Variants in ZNF585A observed in about 807,000 individuals in gnomAD.
ZNF585A encodes the protein zinc finger protein 585A.
A neutral mutation model predicts 14.9 loss-of-function variants in ZNF585A; 9 were observed. The observed-to-expected ratio is 0.60, with a 90% CI of 0.36 to 1.05. The LOEUF is 1.05. Among genes scored for constraint, ZNF585A ranks in the 50% least tolerant of loss-of-function variants. ZNF585A has a pLI of 0.01. For synonymous variants in ZNF585A, 276 were observed against 319.9 expected, an observed-to-expected ratio of 0.86 and a Z score of 1.46; for missense variants, 726 against 926.4, an observed-to-expected ratio of 0.78 and a Z score of 2.81.
chr19:37,155,683 G>A (rs904051981), intron 4 of ZNF585A, among the ~76,000 whole-genome samples, 182 bp downstream of exon 4: 2 of 152,072 alleles, frequency 1.3e-5, no homozygotes, highest in African/African-American at 2.4e-5. Context: ...AAATGACAAA[G>A]GTCATCCAGG....
chr19:37,165,704 C>CA, intron 2 of ZNF585A: 2 of 959,112 alleles, frequency 2.1e-6, no homozygotes, highest in Non-Finnish European at 2.5e-6. Context: ...ACACTGTAAA[C>CA]AAAATAAAAC....
In ZNF585A at chr19:37,151,797, T is replaced by C; in HGVS notation, c.2102A>G (p.Lys701Arg). The C allele has an allele frequency of 6.2e-7, 1 of 1,613,282 alleles. No homozygotes were observed. The highest frequency in any genetic ancestry group is 8.5e-7 in the Non-Finnish European group (1 of 1,179,656). The change falls in exon 5 of 5, where the codon AAA (lysine) becomes AGA (arginine). Residue 701 changes from lysine (K) to arginine (R), a missense_variant. Lys to Arg is a conservative substitution (Grantham distance 26, BLOSUM62 2). This residue lies in a region of ZNF585A where 243 missense variants were observed against 383.6 expected (regional missense o/e 0.63). Coordinates refer to ENST00000292841, the MANE Select transcript of ZNF585A (RefSeq NM_001288800.2). Reference protein sequence around the residue: ...ECSDCGKSFTKKSQLQVHQRI... With the variant: ...ECSDCGKSFTRKSQLQVHQRI... Reference sequence around the variant, plus strand: ...CTGATGCACTTGGAGCTGTGATTTTTTAGTGAAAGACTTCCCACAGTCACT... The same window carrying C: ...CTGATGCACTTGGAGCTGTGATTTTCTAGTGAAAGACTTCCCACAGTCACT...
At chr19:37,157,326 G>T (rs750220446) in intron 2 of ZNF585A, among the ~76,000 whole-genome samples, 2 of 152,146 alleles carry the variant, frequency 1.3e-5, no homozygotes, top group Non-Finnish European at 2.9e-5. Context: ...AATGACCTGC[G>T]ATATGCTTTC....
rs985271091 is a variant in ZNF585A at position 37,147,921 on chromosome 19, C to T, written c.*3668G>A. 4 of 152,174 alleles carry T rather than the reference C, an allele frequency of 2.6e-5. No homozygotes were observed. The East Asian group carries it at 7.7e-4, about 29-fold the overall frequency. 9.4% of individuals were successfully genotyped at this position (152,174 alleles called of 1,614,324 possible). ...GTACACAATTTGTTTAATCACTCAT[C>T]CACTGATGTACATTTGTGTTACTTC... On this transcript the variant is annotated 3_prime_UTR_variant, in exon 5 of 5. Coordinates refer to ENST00000292841, the MANE Select transcript of ZNF585A (RefSeq NM_001288800.2).
intron 2 of ZNF585A, among the ~76,000 whole-genome samples, chr19:37,168,524 C>A (rs1972132165): frequency 6.6e-6 from 1 of 152,238 alleles, no homozygotes; most frequent in African/African-American, 2.4e-5. Context: ...TCTCCTTACT[C>A]TGCATAAGGA....
chr19:37,152,226 G>C lies in ZNF585A; in HGVS notation c.1673C>G (p.Ala558Gly). 1 of 1,613,938 alleles carries C rather than the reference G, an allele frequency of 6.2e-7. No homozygotes were observed. Among genetic ancestry groups the C allele is most frequent in the Non-Finnish European group, 8.5e-7 (1 of 1,179,972 alleles). ...RQYECHECGK[A>G]FNQKSILIVH... ...AATGAGTATTGATTTCTGGTTGAAG[G>C]CTTTCCCACATTCGTGGCATTCATA... The change falls in exon 5 of 5, where the codon GCC becomes GGC. Residue 558 changes from alanine to glycine, a missense_variant. Physicochemically the swap from Ala to Gly is moderately conservative, Grantham distance 60. Transcript: ENST00000292841.
Position 37,153,491 on chromosome 19 carries a change from T to C in ZNF585A, c.408A>G (p.Glu136=). 1 of 1,614,184 alleles carries C rather than the reference T, an allele frequency of 6.2e-7. No homozygotes were observed. The highest frequency in any genetic ancestry group is 8.5e-7 in the Non-Finnish European group (1 of 1,180,038). The change falls in exon 5 of 5, where the codon GAA becomes GAG. Residue 136 remains glutamate (E), a synonymous_variant. Transcript: ENST00000292841. ...GCTGTGACTTCTGGGTGAATATCTT[T>C]TCAAATTTGGCGCATTCATAAGCTT... The part of the protein sequence containing the change: ...GEKAYECAKF[E]KIFTQKSQLK...
Position 37,169,849 on chromosome 19 carries a change from C to T in ZNF585A, c.62G>A (p.Ser21Asn), listed in dbSNP as rs1336165684. 11 of 1,612,670 alleles carry T rather than the reference C, an allele frequency of 6.8e-6. No individual in the cohort carries two copies. The highest frequency in any genetic ancestry group is 9.3e-6 in the Non-Finnish European group (11 of 1,180,016). ...SSALAPEDHG[S>N]SYEGSVSFRD... ...ACTCCTCCTTCTCACCTCATAGGAGCTGCCATGATCCTCTGGAGCCAGGGC... is the reference window on the plus strand; with the variant it reads ...ACTCCTCCTTCTCACCTCATAGGAGTTGCCATGATCCTCTGGAGCCAGGGC... The change falls in exon 2 of 5, where the codon AGC (serine) becomes AAC (asparagine). Residue 21 changes from serine (S) to asparagine (N), a missense_variant. Around this residue, in one of 2 missense-constraint regions of ZNF585A, gnomAD observed 483 missense variants for 542.8 expected, o/e 0.89. Transcript: ENST00000292841.
Position 37,153,265 on chromosome 19 carries a change from T to C in ZNF585A, c.634A>G (p.Lys212Glu). The C allele has an allele frequency of 6.2e-7, 1 of 1,614,192 alleles. No individual in the cohort carries two copies. Among genetic ancestry groups the C allele is most frequent in the Non-Finnish European group, 8.5e-7 (1 of 1,180,016 alleles). The change falls in exon 5 of 5, where the codon AAA becomes GAA. Residue 212 changes from lysine to glutamate, a missense_variant. Around this residue, in one of 2 missense-constraint regions of ZNF585A, gnomAD observed 483 missense variants for 542.8 expected, o/e 0.89. Transcript: ENST00000292841. ...CCACACTGGCTGCATTCATAGAGTT[T>C]CTCTCCGGTATGAATTCTCTGATGC... ...FRHQRIHTGE[K>E]LYECSQCGKG...
intron 4 of ZNF585A, among the ~76,000 whole-genome samples, chr19:37,154,794 T>TAA (rs532561001): frequency 0.11 from 11,445 of 105,432 alleles, 786 homozygotes; most frequent in African/African-American, 0.23. Flanking sequence ...CATCTCACAG[T>TAA]AAAAAAAAAA....
At position 37,164,407 on chromosome 19, in the gene ZNF585A, TA is replaced by T. The variant is rs35676021; in HGVS notation, c.72+5431del. 8.7e-5 allele frequency among the ~76,000 whole-genome samples: 13 copies of T among 148,626 alleles called. No homozygotes were observed. The South Asian group carries it at 1.7e-3, about 19-fold the overall frequency. On this transcript the variant is annotated intron_variant, in intron 2 of 4. Coordinates refer to ENST00000292841, the MANE Select transcript of ZNF585A (RefSeq NM_001288800.2). Reference sequence around the variant, plus strand: ...GACACAGCAAGACACTGTCTCAAATTAAAAAAAAAAGAACTATAGGAAAATA... The same window carrying T: ...GACACAGCAAGACACTGTCTCAAATTAAAAAAAAAGAACTATAGGAAAATA...
rs1328559207 is a variant in ZNF585A at position 37,149,927 on chromosome 19, G to A, written c.*1662C>T. Reference sequence around the variant, plus strand: ...CTTGGGGGAAGTACAGTAGCCAAGGGTGACTAAGGAACCGCATGAAGCAAT... The same window carrying A: ...CTTGGGGGAAGTACAGTAGCCAAGGATGACTAAGGAACCGCATGAAGCAAT... On this transcript the variant is annotated 3_prime_UTR_variant, in exon 5 of 5. Transcript: ENST00000292841. The A allele has an allele frequency of 6.6e-6, 1 of 152,240 alleles. No homozygotes were observed. The highest frequency in any genetic ancestry group is 1.5e-5 in the Non-Finnish European group (1 of 68,124). 9.4% of individuals were successfully genotyped at this position (152,240 alleles called of 1,614,324 possible). A position where few individuals can be genotyped will look rare whatever the true frequency, so the allele number is the denominator to read the frequency against.
rs1971844928 is a variant in ZNF585A, at chr19:37,152,285, A to G, written c.1614T>C (p.Asn538=). 3 of 1,614,026 alleles carry G rather than the reference A, an allele frequency of 1.9e-6. No individual in the cohort carries two copies. Among genetic ancestry groups the G allele is most frequent in the Non-Finnish European group, 1.7e-6 (2 of 1,180,048 alleles). ...CTCCAGTGTGAATTTTCTGATGTAT[A>G]TTGAGGTGTGACTTCTGAGTGAAGG... ...GKAFTQKSHL[N]IHQKIHTGER... is the part of the protein sequence containing the mutation. The change falls in exon 5 of 5, where the codon AAT becomes AAC. Residue 538 remains asparagine, a synonymous_variant. Transcript: ENST00000292841.
chr19:37,169,963 C>T lies in ZNF585A; in HGVS notation c.-53G>A. ...TGTAGGGTGTCTGAAGCTTGGCAGT[C>T]ATCTGTGAACTCAAGCAGAGCTGCT... On this transcript the variant is annotated 5_prime_UTR_variant, in exon 2 of 5. An upstream start codon of the reference 5' UTR is lost. Transcript: ENST00000292841. 6 of 1,583,350 alleles carry T rather than the reference C, an allele frequency of 3.8e-6. No homozygotes were observed. The highest frequency in any genetic ancestry group is 4.3e-6 in the Non-Finnish European group (5 of 1,167,980).
At position 37,146,158 on chromosome 19, in the gene ZNF585A, A is replaced by G. The variant is rs2145388788; in HGVS notation, c.*5431T>C. The G allele has an allele frequency of 1.3e-5, 2 of 152,330 alleles. No homozygotes were observed. Among genetic ancestry groups the G allele is most frequent in the Middle Eastern group, 6.8e-3 (2 of 294 alleles). 9.4% of individuals were successfully genotyped at this position (152,330 alleles called of 1,614,324 possible). A position where few individuals can be genotyped will look rare whatever the true frequency, so the allele number is the denominator to read the frequency against. ...AATGCTTTGGGTGGCCGAGGTGGGC[A>G]AATCGTGAGGTCAGGAGATTGAGAC... On this transcript the variant is annotated 3_prime_UTR_variant, in exon 5 of 5. Transcript: ENST00000292841.
Position 37,151,742 on chromosome 19 carries a change from C to T in ZNF585A, c.2157G>A (p.Val719=). The change falls in exon 5 of 5, where the codon GTG becomes GTA. Residue 719 remains valine, a synonymous_variant. Coordinates refer to ENST00000292841, the MANE Select transcript of ZNF585A (RefSeq NM_001288800.2). ...TAAAGGCCTTCCCACACTCAGCACACACGTAAGGCTTCTCTCCAGTGTGAA... is the reference window on the plus strand; with the variant it reads ...TAAAGGCCTTCCCACACTCAGCACATACGTAAGGCTTCTCTCCAGTGTGAA... The part of the protein sequence containing the change: ...QRIHTGEKPY[V]CAECGKAFTD... 6.2e-7 allele frequency: 1 copy of T among 1,614,084 alleles called. No individual in the cohort carries two copies. The highest frequency in any genetic ancestry group is 8.5e-7 in the Non-Finnish European group (1 of 1,180,028).
In ZNF585A at chr19:37,151,089, C is replaced by A; in HGVS notation, c.*500G>T. 3.0e-6 allele frequency: 1 copy of A among 334,346 alleles called. No homozygotes were observed. The highest frequency in any genetic ancestry group is 4.5e-5 in the East Asian group (1 of 21,984). 20.7% of individuals were successfully genotyped at this position (334,346 alleles called of 1,614,324 possible). The stretch of plus-strand genomic sequence containing the variant: ...CTGAATGAGGGTTGGATATGACCAA[C>A]TGTGGTAGATTCGAATGAGAAAGAA... On this transcript the variant is annotated 3_prime_UTR_variant, in exon 5 of 5. Transcript: ENST00000292841.
At chr19:37,166,079 T>C (rs1049227692) in intron 2 of ZNF585A, among the ~76,000 whole-genome samples, 1 of 152,188 alleles carries the variant, frequency 6.6e-6, no homozygotes, top group Non-Finnish European at 1.5e-5. Context: ...AGTGGTATGA[T>C]CTTGGCTCAC....
chr19:37,152,133 C>A lies in ZNF585A; in HGVS notation c.1766G>T (p.Arg589Leu), dbSNP rs772191771. The A allele has an allele frequency of 3.7e-5, 59 of 1,596,490 alleles. No individual in the cohort carries two copies. The highest frequency in any genetic ancestry group is 5.0e-5 in the Non-Finnish European group (58 of 1,169,544). Reference sequence around the variant, plus strand: ...TTGATGAGTAATAAAGTTTGACTTGCGGATGAAAGCTCTTCCACACTCAGT... The same window carrying A: ...TTGATGAGTAATAAAGTTTGACTTGAGGATGAAAGCTCTTCCACACTCAGT... Reference protein sequence around the residue: ...VCTECGRAFIRKSNFITHQRI... With the variant: ...VCTECGRAFILKSNFITHQRI... The change falls in exon 5 of 5, where the codon CGC (arginine) becomes CTC (leucine). Residue 589 changes from arginine to leucine, a missense_variant. This residue lies in a region of ZNF585A where 243 missense variants were observed against 383.6 expected (regional missense o/e 0.63). Transcript: ENST00000292841.
Sources: gnomAD v4.1 joint callset for allele counts (sites outside exome capture counted in the v4.1 genomes callset) on GRCh38, gnomAD v4.1.1 for gene constraint, gnomAD v4.1.1 regional missense constraint, MANE v1.5 for transcripts, NCBI Gene and HGNC (gene_info 2026-07-23, HGNC 2026-07-21) for gene names.